The following DIS3L2 variants were observed in gnomAD, a reference collection of about 807,000 sequenced individuals.
The protein encoded by DIS3L2 is DIS3 like 3'-5' exoribonuclease 2.
In DIS3L2, 34 loss-of-function variants were observed where a neutral mutation model predicts 97.5. The ratio of observed to expected loss-of-function variants is 0.35; its 90% CI spans 0.27 to 0.46. The LOEUF (loss-of-function observed/expected upper bound fraction) is 0.46, where lower values mean the gene tolerates loss of function less well. DIS3L2 is among the 20% of genes least tolerant of loss of function. The pLI is 1.00. For missense variants in DIS3L2, 1,038 were observed against 1,146.0 expected, an observed-to-expected ratio of 0.91 and a Z score of 1.36; for synonymous variants, 435 against 445.2, an observed-to-expected ratio of 0.98 and a Z score of 0.29.
intron 5 of DIS3L2, among the ~76,000 whole-genome samples, chr2:232,039,211 C>G (rs1695040595): frequency 6.6e-6 from 1 of 152,154 alleles, no homozygotes; most frequent in South Asian, 2.1e-4. Flanking sequence ...CCTTAGCCCA[C>G]CTGTGATAGT....
intron 1 of DIS3L2, among the ~76,000 whole-genome samples, chr2:231,999,299 G>A (rs1037088268): frequency 2.0e-5 from 3 of 152,248 alleles, no homozygotes; most frequent in East Asian, 3.9e-4. Flanking sequence ...TTAGTGATGA[G>A]TGGTGTTTAG....
chr2:232,029,075 T>TG (rs1313252906), intron 4 of DIS3L2, among the ~76,000 whole-genome samples: 1 of 152,160 alleles, frequency 6.6e-6, no homozygotes, highest in East Asian at 1.9e-4. Context: ...TTCAGTCCAT[T>TG]GAGTGTTATG....
intron 5 of DIS3L2, among the ~76,000 whole-genome samples, chr2:232,087,140 T>TA (rs1219615417): frequency 6.6e-6 from 1 of 152,168 alleles, no homozygotes; most frequent in African/African-American, 2.4e-5. Flanking sequence ...CCTAACTTAC[T>TA]AATTGTTCCT....
At chr2:232,164,859 C>A (rs1690758697) in intron 9 of DIS3L2, among the ~76,000 whole-genome samples, 1 of 152,158 alleles carries the variant, frequency 6.6e-6, no homozygotes, top group Non-Finnish European at 1.5e-5. Flanking sequence ...ATAACATTAA[C>A]CTCTCTGAAC....
intron 9 of DIS3L2, among the ~76,000 whole-genome samples, chr2:232,196,363 T>C (rs1450815797): frequency 6.6e-6 from 1 of 152,248 alleles, no homozygotes; most frequent in East Asian, 1.9e-4. Context: ...CACTTATCTC[T>C]CTAAACTGAG....
At chr2:232,298,671 G>A (rs986650484) in intron 13 of DIS3L2, among the ~76,000 whole-genome samples, 2 of 152,010 alleles carry the variant, frequency 1.3e-5, no homozygotes, top group Non-Finnish European at 2.9e-5. Flanking sequence ...AGCTGTGTTC[G>A]CAGCCTTGTA....
chr2:232,187,505 C>T (rs547910200), intron 9 of DIS3L2, among the ~76,000 whole-genome samples: 6 of 152,128 alleles, frequency 3.9e-5, no homozygotes, highest in South Asian at 2.1e-4. Context: ...TGCAGTGGTG[C>T]GATCTCGGCT....
intron 14 of DIS3L2, among the ~76,000 whole-genome samples, chr2:232,311,380 T>C (rs922669673): frequency 6.6e-6 from 1 of 152,178 alleles, no homozygotes; most frequent in African/African-American, 2.4e-5. Flanking sequence ...GTGTACAAAT[T>C]ATAAGCATCT....
At chr2:232,067,113 G>C (rs567679689) in intron 5 of DIS3L2, among the ~76,000 whole-genome samples, 216 of 151,658 alleles carry the variant, frequency 1.4e-3, no homozygotes, top group African/African-American at 4.7e-3. Context: ...CTAGTTTTTG[G>C]TCTGATTTTC....
intron 5 of DIS3L2, among the ~76,000 whole-genome samples, chr2:232,075,329 C>T (rs778371166): frequency 5.3e-5 from 8 of 152,152 alleles, no homozygotes; most frequent in Non-Finnish European, 7.4e-5. Flanking sequence ...AGCACAGGGA[C>T]GATTGTGCAA....
At position 232,221,531 on chromosome 2, in the gene DIS3L2, C is replaced by G. The variant is rs146224401; in HGVS notation, c.1204+11126C>G. Among the ~76,000 whole-genome samples, 523 of 152,260 alleles carry G rather than the reference C, an allele frequency of 3.4e-3. 3 individuals are homozygous for G. Among genetic ancestry groups the G allele is most frequent in the Admixed American group, 7.1e-3 (109 of 15,300 alleles). The stretch of plus-strand genomic sequence containing the variant: ...GGAAAAGAAAAATTCCAGCTGGGCA[C>G]AGTGGCTCACACCTGTAATTCCAGC... On this transcript the variant is annotated intron_variant, in intron 10 of 20. Transcript: ENST00000325385.
chr2:232,285,120 T>G (rs1229003959), intron 13 of DIS3L2, among the ~76,000 whole-genome samples: 1 of 152,258 alleles, frequency 6.6e-6, no homozygotes, highest in Non-Finnish European at 1.5e-5. Context: ...TGGGTTTTTT[T>G]TCTTTATTTC....
chr2:232,094,408 A>G (rs1696937345), intron 6 of DIS3L2, among the ~76,000 whole-genome samples: 1 of 152,156 alleles, frequency 6.6e-6, no homozygotes, highest in African/African-American at 2.4e-5. Flanking sequence ...CAAATGCTGA[A>G]AATGGGGTGT....
chr2:232,040,627 T>G lies in DIS3L2; in HGVS notation c.366+10547T>G, dbSNP rs148560502. Among the ~76,000 whole-genome samples, 61 of 152,354 alleles carry G rather than the reference T, an allele frequency of 4.0e-4. 1 individual carries two copies. The highest frequency in any genetic ancestry group is 1.4e-3 in the African/African-American group (59 of 41,588). ...ACCCCAATACGGTAAATTACAAATA[T>G]GCATATATAAACCCTGTGGGTGCTA... On this transcript the variant is annotated intron_variant, in intron 5 of 20. Transcript: ENST00000325385.
chr2:232,173,692 A>G (rs893987829), intron 9 of DIS3L2, among the ~76,000 whole-genome samples: 6 of 152,162 alleles, frequency 3.9e-5, no homozygotes, highest in African/African-American at 7.2e-5. Context: ...TGTTGACAAG[A>G]TGATTCTTTC....
chr2:232,028,034 G>A (rs77415337), intron 4 of DIS3L2, among the ~76,000 whole-genome samples: 6,155 of 152,142 alleles, frequency 0.04, 338 homozygotes, highest in African/African-American at 0.13. Flanking sequence ...TGTCATAGGA[G>A]GCACCCTTTG....
In DIS3L2 at chr2:232,289,691, C is replaced by A. The variant is rs186260921; in HGVS notation, c.1660-10349C>A. On this transcript the variant is annotated intron_variant, in intron 13 of 20. Transcript: ENST00000325385. ...GAGCCAAGCTCATATGATCTACACA[C>A]ATAACTATCCTCTATCCTAATCTGA... Among the ~76,000 whole-genome samples the A allele has an allele frequency of 1.7e-3, 259 of 152,384 alleles. 2 individuals carry two copies. The highest frequency in any genetic ancestry group is 5.9e-3 in the African/African-American group (244 of 41,600).
chr2:232,049,491 C>T (rs900068160), intron 5 of DIS3L2, among the ~76,000 whole-genome samples: 9 of 152,214 alleles, frequency 5.9e-5, no homozygotes, highest in Admixed American at 6.5e-5. Flanking sequence ...AGTGGGTTTT[C>T]GTACTCTTGC....
chr2:232,301,940 A>G (rs1355857856), intron 14 of DIS3L2, among the ~76,000 whole-genome samples: 1 of 151,354 alleles, frequency 6.6e-6, no homozygotes, highest in African/African-American at 2.4e-5. Flanking sequence ...CAGCCTTCCA[A>G]AGTGCTGAGA....
Sources: allele counts gnomAD v4.1 joint callset (sites outside exome capture counted in the v4.1 genomes callset), GRCh38; gene constraint gnomAD v4.1.1; transcripts MANE v1.5; gene names NCBI Gene and HGNC (gene_info 2026-07-23, HGNC 2026-07-21).